The following SNX27 variants were observed in gnomAD, a reference collection of about 807,000 sequenced individuals.
SNX27 encodes sorting nexin-27.
SNX27 carries 22 observed loss-of-function variants against 71.6 expected under a neutral mutation model. The ratio of observed to expected loss-of-function variants is 0.31; its 90% confidence interval spans 0.22 to 0.44. The LOEUF is 0.44. SNX27 is among the 20% of genes least tolerant of loss of function. SNX27 has a pLI of 1.00. For missense variants in SNX27, 531 were observed against 698.6 expected, an observed-to-expected ratio of 0.76 and a Z score of 2.70; for synonymous variants, 269 against 277.2, an observed-to-expected ratio of 0.97 and a Z score of 0.29.
intron 2 of SNX27, among the ~76,000 whole-genome samples, chr1:151,652,037 C>A (rs1259232953): frequency 6.6e-6 from 1 of 152,160 alleles, no homozygotes; most frequent in Non-Finnish European, 1.5e-5. Flanking sequence ...CCGTCTCCAC[C>A]AAAACCAGTC....
chr1:151,634,228 C>T (rs1313137744), intron 1 of SNX27, among the ~76,000 whole-genome samples: 1 of 152,100 alleles, frequency 6.6e-6, no homozygotes, highest in African/African-American at 2.4e-5. Context: ...TTAGCACTTG[C>T]AGTTATAGGA....
rs1483137515 is a variant in SNX27, at chr1:151,612,175, CG to C, written c.-22del. 2 of 1,324,186 alleles carry C rather than the reference CG, an allele frequency of 1.5e-6. No homozygotes were observed. The highest frequency in any genetic ancestry group is 1.9e-6 in the Non-Finnish European group (2 of 1,035,468). The allele number at this position is 1,324,186 out of a possible 1,614,324, so 82.0% of individuals were successfully genotyped here. The stretch of plus-strand genomic sequence containing the variant: ...CGGGAGGCCTTGGAGGCGTAGGGGG[CG>C]GGGGTACGGCTCGCCTGCTCGCAAG... On this transcript the variant is annotated 5_prime_UTR_variant, in exon 1 of 12. Transcript: ENST00000458013. This position sits in a 1 kb window ranked among gnomAD's most constrained non-coding sequence, Gnocchi z 5.2.
At chr1:151,617,875 G>A (rs1312924169) in intron 1 of SNX27, among the ~76,000 whole-genome samples, 13 of 122,894 alleles carry the variant, frequency 1.1e-4, no homozygotes, top group African/African-American at 3.8e-4. Context: ...TCTTTTTAGA[G>A]CTGTTTTTTT....
chr1:151,652,165 T>G (rs1669426591), intron 2 of SNX27, among the ~76,000 whole-genome samples: 1 of 126,644 alleles, frequency 7.9e-6, no homozygotes, highest in Admixed American at 1.0e-4. Flanking sequence ...CGGCTCCGCA[T>G]GAGAGGGAGA....
chr1:151,652,984 A>G (rs966311549), intron 2 of SNX27, among the ~76,000 whole-genome samples: 2 of 146,264 alleles, frequency 1.4e-5, no homozygotes, highest in Admixed American at 6.9e-5. Flanking sequence ...CTGGAGTACA[A>G]TGGCTCGATC....
rs369309499 is a variant in SNX27, at chr1:151,692,613, C to A, written c.1389+29C>A. The A allele has an allele frequency of 5.0e-6, 8 of 1,600,880 alleles. No individual in the cohort carries two copies. The African/African-American group carries it at 1.1e-4, about 22-fold the overall frequency. On this transcript the variant is annotated intron_variant, in intron 9 of 11. Transcript: ENST00000458013. ...AGTTTTCAGCATAGGGCTCTGGCTG[C>A]GAGGACTGGAGATACTTTGATGCTC... is the stretch of plus-strand genomic sequence containing the variant.
At position 151,695,290 on chromosome 1, in the gene SNX27, C is replaced by T. The variant is rs1671650386; in HGVS notation, c.*873C>T. 6.6e-6 allele frequency: 1 copy of T among 152,094 alleles called. No individual in the cohort carries two copies. The highest frequency in any genetic ancestry group is 2.1e-4 in the South Asian group (1 of 4,822). 9.4% of individuals were successfully genotyped at this position (152,094 alleles called of 1,614,324 possible). ...GGCTTTCTAGCCACATTCTGCACCT[C>T]CTTCCTGCTTTCCTAGAGCCTCGGT... On this transcript the variant is annotated 3_prime_UTR_variant, in exon 12 of 12. Coordinates refer to ENST00000458013, the MANE Select transcript of SNX27 (RefSeq NM_001330723.2).
rs76178809 is a variant in SNX27 at position 151,636,891 on chromosome 1, C to T, written c.312-1997C>T. Among the ~76,000 whole-genome samples the T allele has an allele frequency of 2.5e-3, 387 of 152,098 alleles. 4 individuals carry two copies. Among genetic ancestry groups the T allele is most frequent in the Non-Finnish European group, 3.1e-3 (211 of 68,014 alleles). ...TTAATCAAAATCTATATACATAGTA[C>T]CTCTTTACTTCTTAAACCTTCTGAT... On this transcript the variant is annotated intron_variant, in intron 1 of 11. Transcript: ENST00000458013.
At chr1:151,626,308 C>A (rs984249895) in intron 1 of SNX27, among the ~76,000 whole-genome samples, 7 of 151,252 alleles carry the variant, frequency 4.6e-5, no homozygotes, top group African/African-American at 1.7e-4. Context: ...AAGATGAGAC[C>A]TAATTAGAAT....
At chr1:151,650,955 A>T (rs1210180498) in intron 2 of SNX27, among the ~76,000 whole-genome samples, 1 of 152,212 alleles carries the variant, frequency 6.6e-6, no homozygotes, top group Non-Finnish European at 1.5e-5. Context: ...AGGCAGAAGA[A>T]GTTTTCTTAG....
intron 2 of SNX27, among the ~76,000 whole-genome samples, chr1:151,641,629 A>ATATATATC (rs1195933776): frequency 1.7e-5 from 2 of 120,072 alleles, no homozygotes; most frequent in East Asian, 2.7e-4. Context: ...ATATATATAT[A>ATATATATC]TCATATGTAT....
chr1:151,645,620 G>A (rs1668999645), intron 2 of SNX27, among the ~76,000 whole-genome samples: 1 of 152,210 alleles, frequency 6.6e-6, no homozygotes, highest in African/African-American at 2.4e-5. Flanking sequence ...TTAGAATTAA[G>A]GATCACCTTC....
intron 1 of SNX27, among the ~76,000 whole-genome samples, chr1:151,638,467 TC>T (rs1469435951): frequency 2.0e-5 from 3 of 152,214 alleles, no homozygotes; most frequent in East Asian, 3.8e-4. Context: ...TTAACAGAAT[TC>T]CTTTGAGGTT....
chr1:151,641,632 A>G (rs1390967377), intron 2 of SNX27, among the ~76,000 whole-genome samples: 1 of 62,026 alleles, frequency 1.6e-5, no homozygotes, highest in Non-Finnish European at 3.8e-5. Flanking sequence ...TATATATATC[A>G]TATGTATCAT....
At chr1:151,634,930 A>G (rs1333311196) in intron 1 of SNX27, among the ~76,000 whole-genome samples, 1 of 152,192 alleles carries the variant, frequency 6.6e-6, no homozygotes, top group Non-Finnish European at 1.5e-5. Flanking sequence ...AGCAGTATAT[A>G]TTGGTAGATC....
chr1:151,646,843 G>C lies in SNX27; in HGVS notation c.543+7724G>C, dbSNP rs115591165. 7.0e-3 allele frequency among the ~76,000 whole-genome samples: 1,050 copies of C among 150,716 alleles called. 20 individuals are homozygous for C. The highest frequency in any genetic ancestry group is 0.024 in the African/African-American group (990 of 41,030). On this transcript the variant is annotated intron_variant, in intron 2 of 11. Coordinates refer to ENST00000458013, the MANE Select transcript of SNX27 (RefSeq NM_001330723.2). The stretch of plus-strand genomic sequence containing the variant: ...AGCATAATACCTTCTGTGTGTGTGC[G>C]TGTGTCAAGGTTTCTCTCTGTTGCC...
intron 7 of SNX27, among the ~76,000 whole-genome samples, chr1:151,673,367 A>G (rs988171623): frequency 6.6e-6 from 1 of 152,072 alleles, no homozygotes; most frequent in African/African-American, 2.4e-5. Context: ...ACTTGATCAT[A>G]TTGATATTAT....
chr1:151,624,673 A>G (rs1452090610), intron 1 of SNX27, among the ~76,000 whole-genome samples: 2 of 151,256 alleles, frequency 1.3e-5, no homozygotes, highest in Admixed American at 6.6e-5. Flanking sequence ...CTCAGGTGAT[A>G]CACCTACCTC....
At chr1:151,683,151 A>G (rs12145098) in intron 7 of SNX27, among the ~76,000 whole-genome samples, 17,499 of 152,128 alleles carry the variant, frequency 0.12, 1,188 homozygotes, top group East Asian at 0.17. Flanking sequence ...CCCTCGACAT[A>G]TGGGGACTAC....
Sources: gnomAD v4.1 joint callset for allele counts (sites outside exome capture counted in the v4.1 genomes callset) on GRCh38, gnomAD v4.1.1 for gene constraint, Gnocchi (gnomAD v3.1) non-coding constraint, MANE v1.5 for transcripts, NCBI Gene and HGNC (gene_info 2026-07-23, HGNC 2026-07-21) for gene names.